The following GREB1L variants were observed in gnomAD, a reference collection of about 807,000 sequenced individuals.
GREB1L encodes GREB1-like protein.
In GREB1L, 17 loss-of-function variants were observed where a neutral mutation model predicts 200.8. The observed-to-expected ratio is 0.08, with a 90% CI of 0.06 to 0.13. The LOEUF (loss-of-function observed/expected upper bound fraction) is 0.13. GREB1L is among the 10% of genes least tolerant of loss of function. The pLI, the probability that GREB1L is intolerant of heterozygous loss-of-function variation, is 1.00. For synonymous variants in GREB1L, 789 were observed against 893.0 expected (o/e 0.88, Z 2.08); for missense variants, 1,657 against 2,367.7 (o/e 0.70, Z 6.23).
At chr18:21,385,686 A>G (rs2040510574) in intron 4 of GREB1L, among the ~76,000 whole-genome samples, 3 of 152,212 alleles carry the variant, frequency 2.0e-5, no homozygotes, top group South Asian at 4.1e-4. Context: ...CTTTACGTCC[A>G]TCTTCATGCC....
chr18:21,473,364 G>C (rs2035557150), intron 16 of GREB1L, among the ~76,000 whole-genome samples, 153 bp downstream of exon 16: 1 of 152,060 alleles, frequency 6.6e-6, no homozygotes, highest in Non-Finnish European at 1.5e-5. Flanking sequence ...GAGGTCAGGA[G>C]TTAGAGACCA....
rs542781316 is a variant in GREB1L, at chr18:21,345,944, C to T, written c.-119-20083C>T. On this transcript the variant is annotated intron_variant, in intron 1 of 32. Coordinates refer to ENST00000424526, the MANE Select transcript of GREB1L (RefSeq NM_001142966.3). ...GAGTTCTCACATATGAAGCATTCATCATAGGTATCCCTAAGACCGAATAGA... is the reference window on the plus strand; with the variant it reads ...GAGTTCTCACATATGAAGCATTCATTATAGGTATCCCTAAGACCGAATAGA... Among the ~76,000 whole-genome samples the T allele has an allele frequency of 2.6e-5, 4 of 151,710 alleles. No individual in the cohort carries two copies. In the East Asian group the frequency reaches 7.7e-4, roughly 29 times the overall value.
rs142686819 is a variant in GREB1L, at chr18:21,296,554, A to G, written c.-120+54161A>G. ...ACTCAGTTTACCCATATACCCCTTGAATCTAAGATAAAAGTGGAAATTATT... is the reference window on the plus strand; with the variant it reads ...ACTCAGTTTACCCATATACCCCTTGGATCTAAGATAAAAGTGGAAATTATT... On this transcript the variant is annotated intron_variant, in intron 1 of 32. Transcript: ENST00000424526. Among the ~76,000 whole-genome samples, 1,139 of 152,284 alleles carry G rather than the reference A, an allele frequency of 7.5e-3. 20 individuals carry two copies. The highest frequency in any genetic ancestry group is 0.026 in the African/African-American group (1,060 of 41,556).
At chr18:21,329,496 A>G (rs1456986317) in intron 1 of GREB1L, among the ~76,000 whole-genome samples, 1 of 151,966 alleles carries the variant, frequency 6.6e-6, no homozygotes, top group Non-Finnish European at 1.5e-5. Flanking sequence ...AATTGTGGGC[A>G]AAAAGATACT....
chr18:21,410,513 G>A (rs1361599929), intron 7 of GREB1L, among the ~76,000 whole-genome samples: 1 of 151,768 alleles, frequency 6.6e-6, no homozygotes. Flanking sequence ...AAATTAACTA[G>A]GTGTGGTGGC....
At position 21,395,515 on chromosome 18, in the gene GREB1L, G is replaced by A; in HGVS notation, c.486G>A (p.Val162=). The stretch of plus-strand genomic sequence containing the variant: ...CTGAACACATCCTAGTTTGTGCTGT[G>A]GACAAGCGATTTCTACCAGATGATC... The part of the protein sequence containing the change: ...NLPEHILVCA[V]DKRFLPDDHG... Residue 162 remains valine, a synonymous_variant, in exon 5 of 33, where the codon GTG becomes GTA. Coordinates refer to ENST00000424526, the MANE Select transcript of GREB1L (RefSeq NM_001142966.3). The A allele has an allele frequency of 6.4e-7, 1 of 1,550,534 alleles. No homozygotes were observed. The highest frequency in any genetic ancestry group is 8.7e-7 in the Non-Finnish European group (1 of 1,146,530).
rs2037325292 is a variant in GREB1L, at chr18:21,513,846, G to A, written c.4761G>A (p.Glu1587=). Residue 1587 remains glutamate, a synonymous_variant, in exon 28 of 33, where the codon GAG becomes GAA. Coordinates refer to ENST00000424526, the MANE Select transcript of GREB1L (RefSeq NM_001142966.3). The part of the protein sequence containing the change: ...GVGAARFLIK[E]LSYHNLELER... ...GTGCTGCCAGGTTCCTCATCAAGGA[G>A]CTATCATATCACAACCTAGAATTGG... 6.4e-7 allele frequency: 1 copy of A among 1,551,488 alleles called. No individual in the cohort carries two copies. The highest frequency in any genetic ancestry group is 8.7e-7 in the Non-Finnish European group (1 of 1,146,996).
intron 15 of GREB1L, among the ~76,000 whole-genome samples, chr18:21,461,530 C>A (rs2035047161): frequency 6.6e-6 from 1 of 152,130 alleles, no homozygotes; most frequent in South Asian, 2.1e-4. Context: ...TCACCAGTGA[C>A]CTTTTCGGTC....
chr18:21,250,845 T>C (rs2037690645), intron 1 of GREB1L, among the ~76,000 whole-genome samples: 1 of 152,360 alleles, frequency 6.6e-6, no homozygotes, highest in African/African-American at 2.4e-5. Flanking sequence ...TTTTTTCTCA[T>C]GTTTTCTTTC....
chr18:21,496,438 A>G lies in GREB1L; in HGVS notation c.3147-16A>G, dbSNP rs748495276. 13 of 1,551,430 alleles carry G rather than the reference A, an allele frequency of 8.4e-6. No individual in the cohort carries two copies. The highest frequency in any genetic ancestry group is 2.0e-5 in the Admixed American group (1 of 50,978). ...GGCCAGATAGACTCACCAACAACAC[A>G]ATTACTTTTGTTCAGGTCTTTGAAG... On this transcript the variant is annotated splice_polypyrimidine_tract_variant and intron_variant, in intron 20 of 32. Coordinates refer to ENST00000424526, the MANE Select transcript of GREB1L (RefSeq NM_001142966.3).
At chr18:21,365,723 C>T (rs1354767794) in intron 1 of GREB1L, among the ~76,000 whole-genome samples, 1 of 152,032 alleles carries the variant, frequency 6.6e-6, no homozygotes, top group Admixed American at 6.6e-5. Context: ...GTAACATCTG[C>T]CATAAATGCA....
chr18:21,397,442 G>T (rs2041118718), intron 5 of GREB1L, among the ~76,000 whole-genome samples: 2 of 151,122 alleles, frequency 1.3e-5, no homozygotes, highest in Non-Finnish European at 2.9e-5. Context: ...GGAGAATGGC[G>T]TGAACCCGGG....
Position 21,523,799 on chromosome 18 carries a change from C to G in GREB1L, c.*978C>G, listed in dbSNP as rs2037641651. 2 of 152,168 alleles carry G rather than the reference C, an allele frequency of 1.3e-5. No individual in the cohort carries two copies. Among genetic ancestry groups the G allele is most frequent in the Non-Finnish European group, 2.9e-5 (2 of 68,034 alleles). The allele number at this position is 152,168 out of a possible 1,614,324, so 9.4% of individuals were successfully genotyped here. On this transcript the variant is annotated 3_prime_UTR_variant, in exon 33 of 33. Transcript: ENST00000424526. ...ATGCACTAAATATTACCACCTTACA[C>G]TGACAACGCCACAGAAATTGCCGAA...
At chr18:21,433,470 G>A (rs1442435222) in intron 7 of GREB1L, among the ~76,000 whole-genome samples, 1 of 152,152 alleles carries the variant, frequency 6.6e-6, no homozygotes, top group Non-Finnish European at 1.5e-5. Flanking sequence ...CTGTGTAAGA[G>A]CATAGCAAAC....
intron 15 of GREB1L, among the ~76,000 whole-genome samples, chr18:21,466,189 A>G (rs1257758831): frequency 1.3e-5 from 2 of 152,188 alleles, no homozygotes; most frequent in Non-Finnish European, 2.9e-5. Flanking sequence ...TTTAAAAAGC[A>G]CAATTCTACT....
chr18:21,384,475 T>A lies in GREB1L; in HGVS notation c.355+72T>A. ...GTCTGACATATTTCTAATTATTACA[T>A]GAGGTGCTCAAGGCTGGAAACTAGT... is the stretch of plus-strand genomic sequence containing the variant. On this transcript the variant is annotated intron_variant, in intron 4 of 32. Coordinates refer to ENST00000424526, the MANE Select transcript of GREB1L (RefSeq NM_001142966.3). 2.4e-6 allele frequency: 3 copies of A among 1,236,174 alleles called. No homozygotes were observed. The South Asian group carries it at 4.5e-5, about 19-fold the overall frequency. 76.6% of individuals were successfully genotyped at this position (1,236,174 alleles called of 1,614,324 possible). A position where few individuals can be genotyped will look rare whatever the true frequency, so the allele number is the denominator to read the frequency against.
chr18:21,429,950 C>T (rs1174576062), intron 7 of GREB1L, among the ~76,000 whole-genome samples: 1 of 152,184 alleles, frequency 6.6e-6, no homozygotes, highest in African/African-American at 2.4e-5. Flanking sequence ...GAGGTGCTGG[C>T]AGGATTGGAT....
At chr18:21,410,734 T>TG (rs1555641060) in intron 7 of GREB1L, among the ~76,000 whole-genome samples, 1 of 143,966 alleles carries the variant, frequency 6.9e-6, no homozygotes, top group African/African-American at 2.5e-5. Context: ...CACCATAGAG[T>TG]AAAAAAAAAA....
intron 1 of GREB1L, among the ~76,000 whole-genome samples, chr18:21,321,702 CA>C (rs916425309): frequency 6.6e-6 from 1 of 151,554 alleles, no homozygotes; most frequent in African/African-American, 2.4e-5. Flanking sequence ...AAAACAAAAA[CA>C]AAAAAAATGC....
Sources: allele counts gnomAD v4.1 joint callset (sites outside exome capture counted in the v4.1 genomes callset), GRCh38; gene constraint gnomAD v4.1.1; transcripts MANE v1.5; gene names NCBI Gene and HGNC (gene_info 2026-07-23, HGNC 2026-07-21).